Variants in NUP93 observed in about 807,000 individuals in gnomAD.
NUP93 encodes the protein nucleoporin 93.
NUP93 carries 55 observed loss-of-function variants against 107.8 expected under a neutral mutation model. The ratio of observed to expected loss-of-function variants is 0.51; its 90% confidence interval spans 0.41 to 0.64. The LOEUF (loss-of-function observed/expected upper bound fraction) is 0.64, where lower values mean the gene tolerates loss of function less well. NUP93 is among the 30% of genes least tolerant of loss of function. The pLI is 0.00. For synonymous variants in NUP93, 390 were observed against 397.5 expected (o/e 0.98, Z 0.22); for missense variants, 937 against 1,044.7 (o/e 0.90, Z 1.42).
chr16:56,792,298 T>C (rs1192182871), intron 3 of NUP93, among the ~76,000 whole-genome samples: 1 of 152,268 alleles, frequency 6.6e-6, no homozygotes, highest in Non-Finnish European at 1.5e-5. Flanking sequence ...ACTTGACATT[T>C]GTTGTTTCAT....
At chr16:56,772,038 T>C (rs1238611285) in intron 3 of NUP93, among the ~76,000 whole-genome samples, 1 of 152,190 alleles carries the variant, frequency 6.6e-6, no homozygotes, top group Non-Finnish European at 1.5e-5. Flanking sequence ...TTTGGTCTTT[T>C]CTCCTTTCTT....
At chr16:56,837,495 G>T in intron 17 of NUP93, 113 bp from the exon 18 acceptor site, 1 of 783,996 alleles carries the variant, frequency 1.3e-6, no homozygotes, top group East Asian at 2.6e-5. Flanking sequence ...CTTGGGAGGC[G>T]GTAAAAAATG....
rs1374515188 is a variant in NUP93, at chr16:56,847,269, G to A, written c.*2660G>A. ...CTGAATTTGCAAGGCCACAACATCA[G>A]GTTGTCATGTACCCATCATTACAGC... is the stretch of plus-strand genomic sequence containing the variant. On this transcript the variant is annotated 3_prime_UTR_variant, in exon 22 of 22. Coordinates refer to ENST00000308159, the MANE Select transcript of NUP93 (RefSeq NM_014669.5). 8 of 152,216 alleles carry A rather than the reference G, an allele frequency of 5.3e-5. No homozygotes were observed. The highest frequency in any genetic ancestry group is 5.2e-4 in the Admixed American group (8 of 15,282). The allele number at this position is 152,216 out of a possible 1,614,324, so 9.4% of individuals were successfully genotyped here. A position where few individuals can be genotyped will look rare whatever the true frequency, so the allele number is the denominator to read the frequency against.
In NUP93 at chr16:56,837,626, G is replaced by C. The variant is rs1963938329; in HGVS notation, c.1918G>C (p.Glu640Gln). 6.2e-7 allele frequency: 1 copy of C among 1,613,982 alleles called. No individual in the cohort carries two copies. Residue 640 changes from glutamate to glutamine, a missense_variant, in exon 18 of 22, where the codon GAG (glutamate) becomes CAG (glutamine). By Grantham distance (29) the Glu-to-Gln change is conservative. Transcript: ENST00000308159. ...TGAGCAGAATGCTGACAAGGTACTG[G>C]AGCTGATGAACAAACTGCTGAGCCC... ...DLAKNADKVL[E>Q]LMNKLLSPVV...
intron 5 of NUP93, among the ~76,000 whole-genome samples, chr16:56,818,154 T>C (rs1240322877): frequency 1.3e-5 from 2 of 152,208 alleles, no homozygotes; most frequent in Non-Finnish European, 2.9e-5. Context: ...TGGTCTCACA[T>C]CTTCAGATAA....
intron 3 of NUP93, among the ~76,000 whole-genome samples, chr16:56,766,808 G>A (rs1405988501): frequency 6.6e-6 from 1 of 152,142 alleles, no homozygotes; most frequent in South Asian, 2.1e-4. Context: ...ATCTGCGATG[G>A]AACCGAGAGA....
chr16:56,769,216 TGA>T (rs1962274809), intron 3 of NUP93, among the ~76,000 whole-genome samples: 1 of 152,180 alleles, frequency 6.6e-6, no homozygotes, highest in Non-Finnish European at 1.5e-5. Context: ...GGAAAGTTAG[TGA>T]AAGTATAAAA....
intron 8 of NUP93, among the ~76,000 whole-genome samples, chr16:56,825,205 C>CTTTTTT (rs34378384): frequency 6.5e-5 from 5 of 76,358 alleles, no homozygotes; most frequent in Admixed American, 1.6e-4. Flanking sequence ...CCATACCCAG[C>CTTTTTT]TTTTTTTTTT....
chr16:56,836,018 G>T (rs1963902003), intron 16 of NUP93, among the ~76,000 whole-genome samples: 1 of 151,778 alleles, frequency 6.6e-6, no homozygotes, highest in Non-Finnish European at 1.5e-5. Context: ...AGTCCCAGGT[G>T]CTCGGGAGGC....
intron 3 of NUP93, among the ~76,000 whole-genome samples, chr16:56,797,044 C>G (rs1332664977): frequency 6.6e-6 from 1 of 151,790 alleles, no homozygotes; most frequent in African/African-American, 2.4e-5. Flanking sequence ...GGAGGCAGAT[C>G]ACTTGTGGTT....
chr16:56,823,356 G>A lies in NUP93; in HGVS notation c.655-351G>A, dbSNP rs555624736. Among the ~76,000 whole-genome samples, 10 of 152,332 alleles carry A rather than the reference G, an allele frequency of 6.6e-5. No individual in the cohort carries two copies. In the East Asian group the frequency reaches 1.7e-3, roughly 26 times the overall value. ...AGTTTAAACTTCTAGAACTTTGGAT[G>A]ATTATAAATGGATTCCTTGTCTCTG... is the stretch of plus-strand genomic sequence containing the variant. On this transcript the variant is annotated intron_variant, in intron 7 of 21. Coordinates refer to ENST00000308159, the MANE Select transcript of NUP93 (RefSeq NM_014669.5).
rs557403677 is a variant in NUP93 at position 56,758,534 on chromosome 16, A to G, written c.180-4A>G. 102 of 1,609,158 alleles carry G rather than the reference A, an allele frequency of 6.3e-5. No individual in the cohort carries two copies. The highest frequency in any genetic ancestry group is 8.4e-5 in the Non-Finnish European group (99 of 1,175,720). Reference sequence around the variant, plus strand: ...ATATCTCCCTATTCTATATCCTCACATAGGTCAGTTCTCCTCGGGTCTCGG... The same window carrying G: ...ATATCTCCCTATTCTATATCCTCACGTAGGTCAGTTCTCCTCGGGTCTCGG... On this transcript the variant is annotated splice_polypyrimidine_tract_variant and splice_region_variant and intron_variant, in intron 2 of 21. Coordinates refer to ENST00000308159, the MANE Select transcript of NUP93 (RefSeq NM_014669.5).
In NUP93 at chr16:56,844,541, A is replaced by C. The variant is rs373453717; in HGVS notation, c.2392A>C (p.Met798Leu). 9.6e-6 allele frequency: 15 copies of C among 1,559,032 alleles called. No individual in the cohort carries two copies. Among genetic ancestry groups the C allele is most frequent in the Non-Finnish European group, 1.3e-5 (15 of 1,153,408 alleles). ...QARTLITFAG[M>L]IPYRTSGDTN... ...CCGCACTCTGATTACCTTTGCTGGA[A>C]TGATACCATACCGAACGTCTGGGGA... Residue 798 changes from methionine to leucine, a missense_variant, in exon 22 of 22, where the codon ATG (methionine) becomes CTG (leucine). Coordinates refer to ENST00000308159, the MANE Select transcript of NUP93 (RefSeq NM_014669.5).
chr16:56,738,020 A>G (rs912368350), intron 1 of NUP93, among the ~76,000 whole-genome samples: 25 of 152,264 alleles, frequency 1.6e-4, no homozygotes, highest in African/African-American at 5.1e-4. Flanking sequence ...TGTAAGACAG[A>G]ACTAGTATCA....
intron 8 of NUP93, among the ~76,000 whole-genome samples, chr16:56,828,194 TAAA>T (rs34184189): frequency 2.3e-4 from 26 of 113,422 alleles, no homozygotes; most frequent in African/African-American, 7.9e-4. Context: ...CCCTGCCTCT[TAAA>T]AAAAAAAAAA....
chr16:56,777,289 C>T (rs775070876), intron 3 of NUP93, among the ~76,000 whole-genome samples: 2 of 152,128 alleles, frequency 1.3e-5, no homozygotes, highest in African/African-American at 4.8e-5. Flanking sequence ...AGGTGCATTT[C>T]GTATCTGGCC....
chr16:56,833,313 A>T lies in NUP93; in HGVS notation c.1444A>T (p.Met482Leu), dbSNP rs1296938699. ...FEAAVAFLFR[M>L]ERLRCHAVHV... ...AGCAGCAGTTGCCTTTCTTTTCCGC[A>T]TGGAGCGGCTGCGCTGCCATGCTGT... is the stretch of plus-strand genomic sequence containing the variant. Residue 482 changes from methionine to leucine, a missense_variant, in exon 13 of 22, where the codon ATG (methionine) becomes TTG (leucine). Met to Leu is a conservative substitution (Grantham distance 15, BLOSUM62 2). Transcript: ENST00000308159. 3.1e-6 allele frequency: 5 copies of T among 1,607,112 alleles called. No homozygotes were observed. Among genetic ancestry groups the T allele is most frequent in the Non-Finnish European group, 4.2e-6 (5 of 1,177,850 alleles).
intron 3 of NUP93, among the ~76,000 whole-genome samples, chr16:56,775,552 C>T (rs1290453360): frequency 1.3e-5 from 2 of 152,102 alleles, no homozygotes; most frequent in African/African-American, 4.8e-5. Flanking sequence ...GAACTGGAAA[C>T]GTTTTGGTCT....
At chr16:56,741,895 A>G (rs1961746326) in intron 1 of NUP93, 1 of 152,238 alleles carries the variant, frequency 6.6e-6, no homozygotes, top group Non-Finnish European at 1.5e-5. Flanking sequence ...TCTGCAGGAA[A>G]ATAGCTGGTG....
Sources: allele counts gnomAD v4.1 joint callset (sites outside exome capture counted in the v4.1 genomes callset), GRCh38; gene constraint gnomAD v4.1.1; transcripts MANE v1.5; gene names NCBI Gene and HGNC (gene_info 2026-07-23, HGNC 2026-07-21).